Variants in NAALADL2 observed in about 807,000 individuals in gnomAD.
NAALADL2 encodes the protein N-acetylated alpha-linked acidic dipeptidase like 2.
NAALADL2 carries 76 observed loss-of-function variants against 87.2 expected under a neutral mutation model. That is an observed-to-expected ratio of 0.87 (90% CI 0.72 to 1.05). The LOEUF is 1.05. Ranked by LOEUF, NAALADL2 falls within the 50% of genes least tolerant of loss-of-function variation. The probability of loss-of-function intolerance (pLI) is 0.00; values close to 1 mark genes in which losing one functional copy is unlikely to be tolerated. For synonymous variants in NAALADL2, 354 were observed against 331.0 expected (o/e 1.07, Z -0.75); for missense variants, 1,089 against 945.8 (o/e 1.15, Z -1.99).
chr3:174,509,404 C>CTTTTT (rs34028719), intron 1 of NAALADL2, among the ~76,000 whole-genome samples: 2 of 106,904 alleles, frequency 1.9e-5, no homozygotes, highest in African/African-American at 6.9e-5. Context: ...TCCTTTCTTT[C>CTTTTT]TTTTTTTTTT....
rs962327363 is a variant in NAALADL2, at chr3:175,336,271, CTT to C, written c.1090+11947_1090+11948del. On this transcript the variant is annotated intron_variant, in intron 5 of 13. Coordinates refer to ENST00000454872, the MANE Select transcript of NAALADL2 (RefSeq NM_207015.3). ...ATTTCTTTACTACAAAACTATTAGA[CTT>C]ATTATTATTGTAATGTGTTTTCAAG... 1.5e-4 allele frequency among the ~76,000 whole-genome samples: 23 copies of C among 152,212 alleles called. No individual in the cohort carries two copies. The South Asian group carries it at 1.9e-3, about 12-fold the overall frequency.
In NAALADL2 at chr3:175,807,092, A is replaced by G. The variant is rs1319857428; in HGVS notation, c.*3889A>G. On this transcript the variant is annotated 3_prime_UTR_variant, in exon 14 of 14. Transcript: ENST00000454872. The stretch of plus-strand genomic sequence containing the variant: ...TAAAAGGCAAGTGCACCATTGTGGA[A>G]TATCATGACGAGTAGGCTTACAAAC... The G allele has an allele frequency of 6.6e-6, 1 of 151,848 alleles. No homozygotes were observed. Among genetic ancestry groups the G allele is most frequent in the African/African-American group, 2.4e-5 (1 of 41,398 alleles). 9.4% of individuals were successfully genotyped at this position (151,848 alleles called of 1,614,324 possible). A position where few individuals can be genotyped will look rare whatever the true frequency, so the allele number is the denominator to read the frequency against.
At chr3:175,662,254 A>G (rs1163874980) in intron 11 of NAALADL2, among the ~76,000 whole-genome samples, 1 of 151,800 alleles carries the variant, frequency 6.6e-6, no homozygotes, top group East Asian at 1.9e-4. Context: ...ATTTATAGCG[A>G]TTGTAAATGG....
chr3:174,874,760 T>C (rs930303689), intron 1 of NAALADL2, among the ~76,000 whole-genome samples: 6 of 152,110 alleles, frequency 3.9e-5, no homozygotes, highest in African/African-American at 1.4e-4. Flanking sequence ...TACACATGTG[T>C]CTTGAACAGT....
At chr3:175,531,684 A>G (rs1734105644) in intron 9 of NAALADL2, among the ~76,000 whole-genome samples, 1 of 152,240 alleles carries the variant, frequency 6.6e-6, no homozygotes, top group African/African-American at 2.4e-5. Flanking sequence ...GAATGGAGAA[A>G]AAGGCATTTG....
intron 1 of NAALADL2, among the ~76,000 whole-genome samples, chr3:174,878,452 A>T (rs538413477): frequency 6.6e-6 from 1 of 152,206 alleles, no homozygotes; most frequent in South Asian, 2.1e-4. Flanking sequence ...CTATGTTGCT[A>T]TGAAGAATCC....
chr3:174,572,894 A>G (rs1715095735), intron 2 of NAALADL2, among the ~76,000 whole-genome samples: 1 of 152,224 alleles, frequency 6.6e-6, no homozygotes, highest in Non-Finnish European at 1.5e-5. Flanking sequence ...TCTTTAAAAC[A>G]ACTCTATGAG....
intron 3 of NAALADL2, among the ~76,000 whole-genome samples, chr3:174,739,419 TAAAG>T (rs1264846541): frequency 1.3e-5 from 2 of 152,112 alleles, no homozygotes; most frequent in African/African-American, 4.8e-5. Context: ...ATTTTAATGA[TAAAG>T]AGAGAATTAT....
chr3:175,738,050 G>A (rs1583063583), intron 12 of NAALADL2, among the ~76,000 whole-genome samples: 2 of 151,830 alleles, frequency 1.3e-5, no homozygotes, highest in Non-Finnish European at 1.5e-5. Flanking sequence ...AATACAAAGG[G>A]CAGTATTGTG....
chr3:175,637,442 G>C (rs1274451494), intron 11 of NAALADL2, among the ~76,000 whole-genome samples: 1 of 152,172 alleles, frequency 6.6e-6, no homozygotes, highest in Non-Finnish European at 1.5e-5. Flanking sequence ...TGAAATTGAT[G>C]CCCAGTGTTG....
At chr3:175,093,925 A>T (rs1012434549) in intron 1 of NAALADL2, among the ~76,000 whole-genome samples, 10 of 151,946 alleles carry the variant, frequency 6.6e-5, no homozygotes, top group African/African-American at 2.2e-4. Flanking sequence ...TTGCTGATGT[A>T]CATGTGATGG....
intron 1 of NAALADL2, among the ~76,000 whole-genome samples, chr3:174,911,794 A>G (rs1193883463): frequency 2.0e-5 from 3 of 152,114 alleles, no homozygotes; most frequent in African/African-American, 7.2e-5. Context: ...TCACATGCCA[A>G]CATCTGACAA....
intron 2 of NAALADL2, among the ~76,000 whole-genome samples, chr3:175,175,287 G>T (rs916793015): frequency 1.3e-5 from 2 of 151,914 alleles, no homozygotes; most frequent in African/African-American, 4.8e-5. Context: ...TATTTTATTA[G>T]CCATAGTTTT....
rs115391115 is a variant in NAALADL2, at chr3:175,500,727, G to A, written c.1653+28969G>A. Among the ~76,000 whole-genome samples the A allele has an allele frequency of 1.3e-3, 205 of 152,148 alleles. 2 individuals carry two copies. Among genetic ancestry groups the A allele is most frequent in the African/African-American group, 4.7e-3 (195 of 41,530 alleles). On this transcript the variant is annotated intron_variant, in intron 9 of 13. Coordinates refer to ENST00000454872, the MANE Select transcript of NAALADL2 (RefSeq NM_207015.3). ...CTATTATTATCTCCATCTTACAGATGAAGAAAGTGGCGCATAGAGAAATTA... is the reference window on the plus strand; with the variant it reads ...CTATTATTATCTCCATCTTACAGATAAAGAAAGTGGCGCATAGAGAAATTA...
At position 175,805,576 on chromosome 3, in the gene NAALADL2, C is replaced by T. The variant is rs1754628815; in HGVS notation, c.*2373C>T. 1 of 151,696 alleles carries T rather than the reference C, an allele frequency of 6.6e-6. No homozygotes were observed. The highest frequency in any genetic ancestry group is 2.4e-5 in the African/African-American group (1 of 41,328). 9.4% of individuals were successfully genotyped at this position (151,696 alleles called of 1,614,324 possible). ...CCTGAGGGTGCCTCCAAATGTATAT[C>T]ATTTCACTCCCCTCCCCTCCCCACC... On this transcript the variant is annotated 3_prime_UTR_variant, in exon 14 of 14. Transcript: ENST00000454872.
At chr3:174,656,396 T>A (rs771404502) in intron 2 of NAALADL2, among the ~76,000 whole-genome samples, 10 of 152,178 alleles carry the variant, frequency 6.6e-5, no homozygotes, top group African/African-American at 1.9e-4. Context: ...TGAACTTCTT[T>A]CGAAAAAACT....
At chr3:174,982,193 G>C (rs1016571104) in intron 1 of NAALADL2, among the ~76,000 whole-genome samples, 13 of 152,060 alleles carry the variant, frequency 8.5e-5, no homozygotes, top group Non-Finnish European at 1.5e-5. Flanking sequence ...TAGATAGTCT[G>C]GTTGAATCCA....
chr3:174,791,007 A>C (rs1205082928), intron 3 of NAALADL2, among the ~76,000 whole-genome samples: 1 of 152,210 alleles, frequency 6.6e-6, no homozygotes, highest in South Asian at 2.1e-4. Context: ...TAGTTACTAC[A>C]GGAAAGAGCA....
intron 3 of NAALADL2, among the ~76,000 whole-genome samples, chr3:174,763,725 G>A (rs1713398881): frequency 6.6e-6 from 1 of 150,934 alleles, no homozygotes; most frequent in African/African-American, 2.4e-5. Context: ...CATAAAAATG[G>A]TCAAGCTGAT....
Sources: allele counts gnomAD v4.1 joint callset (sites outside exome capture counted in the v4.1 genomes callset), GRCh38; gene constraint gnomAD v4.1.1; transcripts MANE v1.5; gene names NCBI Gene and HGNC (gene_info 2026-07-23, HGNC 2026-07-21).